Variants in NKAIN2 observed in about 807,000 individuals in gnomAD.
NKAIN2 encodes sodium/potassium-transporting ATPase subunit beta-1-interacting protein 2.
NKAIN2 carries 14 observed loss-of-function variants against 32.6 expected under a neutral mutation model. That is an observed-to-expected ratio of 0.43 (90% CI 0.28 to 0.67). The LOEUF is 0.67. NKAIN2 is among the 30% of genes least tolerant of loss of function. The pLI, the probability that NKAIN2 is intolerant of heterozygous loss-of-function variation, is 0.17. For synonymous variants in NKAIN2, 80 were observed against 87.2 expected (o/e 0.92, Z 0.46); for missense variants, 198 against 258.3 (o/e 0.77, Z 1.60).
chr6:123,967,825 C>T (rs1051771665), intron 1 of NKAIN2, among the ~76,000 whole-genome samples: 6 of 152,034 alleles, frequency 3.9e-5, no homozygotes, highest in African/African-American at 9.7e-5. Context: ...TCCTCCACTT[C>T]GATTATGTAC....
intron 4 of NKAIN2, among the ~76,000 whole-genome samples, chr6:124,759,912 G>C (rs1337611010): frequency 6.6e-6 from 1 of 151,840 alleles, no homozygotes; most frequent in Non-Finnish European, 1.5e-5. Context: ...CCACAGAGTG[G>C]CACGCTTAGA....
At chr6:124,721,264 C>T (rs1374030703) in intron 4 of NKAIN2, among the ~76,000 whole-genome samples, 5 of 151,900 alleles carry the variant, frequency 3.3e-5, no homozygotes, top group South Asian at 4.2e-4. Flanking sequence ...ATTAGCCGGG[C>T]GCAGTGGCGG....
chr6:124,208,199 A>C (rs1790991030), intron 1 of NKAIN2, among the ~76,000 whole-genome samples: 1 of 151,868 alleles, frequency 6.6e-6, no homozygotes, highest in African/African-American at 2.4e-5. Context: ...TTAGCATCTC[A>C]GCCTCAATTT....
At chr6:124,786,271 T>C (rs1031539854) in intron 4 of NKAIN2, among the ~76,000 whole-genome samples, 5 of 152,092 alleles carry the variant, frequency 3.3e-5, no homozygotes, top group Non-Finnish European at 5.9e-5. Flanking sequence ...CTGGTCTGCC[T>C]CAAAGTCTTC....
At chr6:124,111,929 A>C (rs868237441) in intron 1 of NKAIN2, among the ~76,000 whole-genome samples, 17 of 152,082 alleles carry the variant, frequency 1.1e-4, no homozygotes, top group Admixed American at 3.3e-4. Context: ...GTTGAATTGC[A>C]TACAAAAACT....
intron 2 of NKAIN2, among the ~76,000 whole-genome samples, chr6:124,345,716 C>A (rs1397566484): frequency 2.6e-5 from 4 of 151,502 alleles, no homozygotes; most frequent in Non-Finnish European, 4.4e-5. Flanking sequence ...CTATTTGATT[C>A]TTCTCTCTTT....
intron 3 of NKAIN2, 145 bp from the exon 4 acceptor site, chr6:124,658,041 C>A: frequency 3.3e-6 from 2 of 601,798 alleles, no homozygotes; most frequent in South Asian, 2.3e-5. Flanking sequence ...TGTGTCCTCG[C>A]TTCCTGTAAA....
In NKAIN2 at chr6:123,804,141, G is replaced by A. The variant is rs1354874553; in HGVS notation, c.-60G>A. The A allele has an allele frequency of 4.7e-6, 7 of 1,483,576 alleles. No individual in the cohort carries two copies. Among genetic ancestry groups the A allele is most frequent in the Non-Finnish European group, 6.6e-6 (7 of 1,061,490 alleles). The allele number at this position is 1,483,576 out of a possible 1,614,324, so 91.9% of individuals were successfully genotyped here. On this transcript the variant is annotated 5_prime_UTR_variant, in exon 1 of 7. In the 5' UTR this introduces an upstream ATG that the reference lacks. Transcript: ENST00000368417. ...CTTCCCCGCGATCTGATTGGATAAA[G>A]TGGGGGCTCGACGGTGGCCGACGTG...
chr6:123,882,111 T>C (rs1004022627), intron 1 of NKAIN2, among the ~76,000 whole-genome samples: 1 of 152,142 alleles, frequency 6.6e-6, no homozygotes, highest in Non-Finnish European at 1.5e-5. Context: ...TAATTTCCAC[T>C]GTCTGTTAGG....
chr6:124,179,843 G>A (rs1789348672), intron 1 of NKAIN2, among the ~76,000 whole-genome samples: 1 of 152,204 alleles, frequency 6.6e-6, no homozygotes. Flanking sequence ...AATAATGGAT[G>A]ACACTTGAAG....
At chr6:124,505,790 T>C (rs1445933309) in intron 3 of NKAIN2, among the ~76,000 whole-genome samples, 1 of 152,126 alleles carries the variant, frequency 6.6e-6, no homozygotes, top group Non-Finnish European at 1.5e-5. Flanking sequence ...GTATTGTGGA[T>C]GCATGTGGGT....
chr6:124,307,515 G>A (rs1371854764), intron 2 of NKAIN2, among the ~76,000 whole-genome samples: 1 of 152,044 alleles, frequency 6.6e-6, no homozygotes, highest in Non-Finnish European at 1.5e-5. Context: ...TTATATTTAC[G>A]AGAGAAGAAA....
At chr6:124,052,215 C>T (rs957761724) in intron 1 of NKAIN2, among the ~76,000 whole-genome samples, 6 of 151,990 alleles carry the variant, frequency 3.9e-5, no homozygotes, top group East Asian at 1.9e-4. Flanking sequence ...AAATAATTTA[C>T]TGATGTTTTC....
intron 4 of NKAIN2, among the ~76,000 whole-genome samples, chr6:124,705,551 A>C (rs1192316773): frequency 6.6e-6 from 1 of 152,088 alleles, no homozygotes; most frequent in Non-Finnish European, 1.5e-5. Context: ...ATTGCATCCC[A>C]GGGTATTTAA....
At chr6:123,858,732 T>G (rs1775661005) in intron 1 of NKAIN2, among the ~76,000 whole-genome samples, 1 of 152,080 alleles carries the variant, frequency 6.6e-6, no homozygotes, top group East Asian at 1.9e-4. Context: ...GAGTGGGAAA[T>G]AAGTTCAGCA....
intron 1 of NKAIN2, among the ~76,000 whole-genome samples, chr6:124,199,064 A>G (rs1291942012): frequency 6.6e-6 from 1 of 152,170 alleles, no homozygotes; most frequent in Non-Finnish European, 1.5e-5. Context: ...TATTAAAATG[A>G]TGTGTCCCAC....
At chr6:124,783,175 C>T (rs1236629366) in intron 4 of NKAIN2, among the ~76,000 whole-genome samples, 1 of 152,126 alleles carries the variant, frequency 6.6e-6, no homozygotes, top group Non-Finnish European at 1.5e-5. Flanking sequence ...CATCTTTCGT[C>T]CTGCCTGAGT....
chr6:124,520,398 A>G (rs1399238118), intron 3 of NKAIN2, among the ~76,000 whole-genome samples: 1 of 152,194 alleles, frequency 6.6e-6, no homozygotes, highest in Non-Finnish European at 1.5e-5. Context: ...GCTGCTGCAC[A>G]AGAGAATATT....
intron 4 of NKAIN2, among the ~76,000 whole-genome samples, chr6:124,702,234 T>C (rs549358497): frequency 3.3e-5 from 5 of 152,142 alleles, no homozygotes; most frequent in Non-Finnish European, 7.4e-5. Flanking sequence ...ATTCATTTTT[T>C]TGTGTGGATA....
Sources: allele counts gnomAD v4.1 joint callset (sites outside exome capture counted in the v4.1 genomes callset), GRCh38; gene constraint gnomAD v4.1.1; transcripts MANE v1.5; gene names NCBI Gene and HGNC (gene_info 2026-07-23, HGNC 2026-07-21).